CDH13: variants seen among roughly 807,000 people sequenced by gnomAD.
CDH13 encodes the protein cadherin-13.
A neutral mutation model predicts 63.8 loss-of-function variants in CDH13; 24 were observed. The ratio of observed to expected loss-of-function variants is 0.38; its 90% CI spans 0.27 to 0.53. CDH13 has a LOEUF of 0.53. CDH13 is among the 20% of genes least tolerant of loss of function. The pLI is 0.85. For missense variants in CDH13, 1,049 were observed against 903.1 expected (o/e 1.16, Z -2.07); for synonymous variants, 503 against 355.3 (o/e 1.42, Z -4.67).
chr16:83,659,162 C>A lies in CDH13; in HGVS notation c.1102-11628C>A, dbSNP rs528555865. Among the ~76,000 whole-genome samples, 142 of 144,530 alleles carry A rather than the reference C, an allele frequency of 9.8e-4. 2 individuals carry two copies. Among genetic ancestry groups the A allele is most frequent in the African/African-American group, 3.5e-3 (133 of 38,380 alleles). The allele number at this position is 144,530 out of a possible 152,430, so 94.8% of individuals were successfully genotyped here. A position where few individuals can be genotyped will look rare whatever the true frequency, so the allele number is the denominator to read the frequency against. On this transcript the variant is annotated intron_variant, in intron 8 of 13. Coordinates refer to ENST00000567109, the MANE Select transcript of CDH13 (RefSeq NM_001257.5). ...CACCAGCAAGGTCCCATGTCCTCACCACCAGGTCCCATATCCTCACCAGGA... is the reference window on the plus strand; with the variant it reads ...CACCAGCAAGGTCCCATGTCCTCACAACCAGGTCCCATATCCTCACCAGGA...
intron 2 of CDH13, among the ~76,000 whole-genome samples, chr16:82,913,864 G>A (rs1489968594): frequency 2.6e-5 from 4 of 152,094 alleles, no homozygotes; most frequent in East Asian, 1.9e-4. Context: ...GTAACCACTC[G>A]GAGCACCTGG....
intron 1 of CDH13, among the ~76,000 whole-genome samples, chr16:82,682,857 G>T (rs1914691244): frequency 6.6e-6 from 1 of 152,158 alleles, no homozygotes; most frequent in Non-Finnish European, 1.5e-5. Flanking sequence ...TGCTTCCCCT[G>T]AGCCATGACC....
At chr16:82,846,487 C>A (rs1262002871) in intron 1 of CDH13, among the ~76,000 whole-genome samples, 1 of 152,114 alleles carries the variant, frequency 6.6e-6, no homozygotes, top group African/African-American at 2.4e-5. Context: ...GGAGTAGACA[C>A]AATTATTAGT....
chr16:82,949,331 G>A (rs552428933), intron 2 of CDH13, among the ~76,000 whole-genome samples: 13 of 152,188 alleles, frequency 8.5e-5, no homozygotes, highest in Admixed American at 2.0e-4. Flanking sequence ...TTCTCCCTGC[G>A]TCTCTGTCTT....
chr16:82,630,102 T>C (rs977176149), intron 1 of CDH13, among the ~76,000 whole-genome samples: 6 of 152,180 alleles, frequency 3.9e-5, no homozygotes, highest in African/African-American at 1.4e-4. Context: ...TTTTCAGGAT[T>C]TTCAATGAGA....
At chr16:83,148,133 T>C (rs1401250612) in intron 4 of CDH13, among the ~76,000 whole-genome samples, 1 of 152,180 alleles carries the variant, frequency 6.6e-6, no homozygotes, top group African/African-American at 2.4e-5. Context: ...GCACGGGGTT[T>C]CACCATTTTG....
At chr16:83,319,704 G>A (rs546639264) in intron 5 of CDH13, among the ~76,000 whole-genome samples, 108 of 152,230 alleles carry the variant, frequency 7.1e-4, no homozygotes, top group African/African-American at 2.0e-3. Flanking sequence ...TGACAGGAAC[G>A]GAGAAGGAAA....
At chr16:82,640,510 G>C (rs1462855331) in intron 1 of CDH13, among the ~76,000 whole-genome samples, 1 of 152,110 alleles carries the variant, frequency 6.6e-6, no homozygotes, top group African/African-American at 2.4e-5. Flanking sequence ...TAGCATTAAA[G>C]CAGCCACAGC....
chr16:83,513,114 T>G (rs2074613238), intron 7 of CDH13, among the ~76,000 whole-genome samples: 1 of 152,156 alleles, frequency 6.6e-6, no homozygotes, highest in Non-Finnish European at 1.5e-5. Context: ...AGAATTGTCT[T>G]CGAGCCTATA....
At chr16:82,650,031 T>C (rs988661850) in intron 1 of CDH13, among the ~76,000 whole-genome samples, 2 of 152,168 alleles carry the variant, frequency 1.3e-5, no homozygotes, top group Admixed American at 6.5e-5. Context: ...AACCCAAAGC[T>C]ATAGATTAAG....
At chr16:82,824,533 CACA>C (rs2038153905) in intron 1 of CDH13, 1 of 152,146 alleles carries the variant, frequency 6.6e-6, no homozygotes, top group Non-Finnish European at 1.5e-5. Flanking sequence ...GAAGTAAGTT[CACA>C]ACGCCATCTA....
At chr16:83,728,295 G>A (rs142132268) in intron 10 of CDH13, among the ~76,000 whole-genome samples, 3 of 151,714 alleles carry the variant, frequency 2.0e-5, no homozygotes, top group African/African-American at 7.3e-5. Context: ...GGTGTGATTC[G>A]CTAACAGTTG....
chr16:82,761,209 G>A (rs891176407), intron 1 of CDH13, among the ~76,000 whole-genome samples: 1 of 150,876 alleles, frequency 6.6e-6, no homozygotes, highest in African/African-American at 2.4e-5. Flanking sequence ...TTTTTGACGG[G>A]GTTTCACCAT....
At chr16:83,770,133 C>T (rs989333182) in intron 11 of CDH13, among the ~76,000 whole-genome samples, 20 of 152,272 alleles carry the variant, frequency 1.3e-4, no homozygotes, top group African/African-American at 4.3e-4. Context: ...AGGAGAACCA[C>T]GCGTGGCTCA....
At chr16:83,062,080 G>C (rs922174659) in intron 3 of CDH13, among the ~76,000 whole-genome samples, 1 of 152,200 alleles carries the variant, frequency 6.6e-6, no homozygotes, top group African/African-American at 2.4e-5. Context: ...ACCAGATGGA[G>C]TGCTGTGGCC....
intron 6 of CDH13, among the ~76,000 whole-genome samples, chr16:83,387,806 A>G (rs1392071609): frequency 6.6e-6 from 1 of 152,174 alleles, no homozygotes; most frequent in East Asian, 1.9e-4. Flanking sequence ...TCCCCCTGGC[A>G]CTTTCCCCTT....
chr16:83,744,632 G>T (rs1308662542), intron 10 of CDH13, among the ~76,000 whole-genome samples: 2 of 152,118 alleles, frequency 1.3e-5, no homozygotes, highest in Non-Finnish European at 2.9e-5. Context: ...CATCAGGGAG[G>T]ACACACAGGG....
intron 6 of CDH13, among the ~76,000 whole-genome samples, chr16:83,365,735 A>G (rs1253066892): frequency 6.6e-6 from 1 of 152,202 alleles, no homozygotes; most frequent in Non-Finnish European, 1.5e-5. Flanking sequence ...AGCAGCAGAG[A>G]AGAGTTAGAG....
At chr16:82,847,855 C>T (rs1344630033) in intron 1 of CDH13, among the ~76,000 whole-genome samples, 2 of 151,948 alleles carry the variant, frequency 1.3e-5, no homozygotes, top group African/African-American at 4.8e-5. Context: ...TGGCTTTTTG[C>T]CCCATGCTTT....
Sources: gnomAD v4.1 joint callset for allele counts (sites outside exome capture counted in the v4.1 genomes callset) on GRCh38, gnomAD v4.1.1 for gene constraint, MANE v1.5 for transcripts, NCBI Gene and HGNC (gene_info 2026-07-23, HGNC 2026-07-21) for gene names.